The following LRRIQ1 variants were observed in gnomAD, a reference collection of about 807,000 sequenced individuals.
The protein encoded by LRRIQ1 is leucine-rich repeat- and IQ domain-containing protein 1.
A neutral mutation model predicts 211.9 loss-of-function variants in LRRIQ1; 210 were observed. The observed-to-expected ratio is 0.99, with a 90% CI of 0.89 to 1.11. The LOEUF is 1.11. Ranked by LOEUF, LRRIQ1 falls within the 50% of genes most tolerant of loss-of-function variation. The probability of loss-of-function intolerance (pLI) is 0.00; values close to 1 mark genes in which losing one functional copy is unlikely to be tolerated. For missense variants in LRRIQ1, 2,136 were observed against 1,939.5 expected (o/e 1.10, Z -1.90); for synonymous variants, 699 against 650.1 (o/e 1.08, Z -1.14).
chr12:85,106,522 A>C lies in LRRIQ1; in HGVS notation c.3284A>C (p.Asp1095Ala), dbSNP rs765374338. The C allele has an allele frequency of 6.3e-6, 10 of 1,594,530 alleles. No individual in the cohort carries two copies. The South Asian group carries it at 1.0e-4, about 16-fold the overall frequency. ...KLDVSHNCLS[D>A]LKSAIKWFDA... ...TTCAAAATGATTTTATTTTCTGTAG[A>C]TCTTAAAAGTGCCATAAAATGGTTT... Residue 1095 changes from aspartate to alanine, a missense_variant and splice_region_variant, in exon 15 of 27, where the codon GAT (aspartate) becomes GCT (alanine). Asp to Ala is a moderately radical substitution (Grantham distance 126). Coordinates refer to ENST00000393217, the MANE Select transcript of LRRIQ1 (RefSeq NM_001079910.2).
chr12:85,043,131 G>A (rs1976270), intron 3 of LRRIQ1, among the ~76,000 whole-genome samples: 33,285 of 151,972 alleles, frequency 0.22, 4,313 homozygotes, highest in Admixed American at 0.3. Flanking sequence ...ATTTTTATAA[G>A]GAGAGATGTT....
intron 15 of LRRIQ1, among the ~76,000 whole-genome samples, chr12:85,111,593 A>G (rs1291993168): frequency 3.9e-5 from 6 of 152,142 alleles, no homozygotes; most frequent in African/African-American, 1.4e-4. Flanking sequence ...CACCTGCCAC[A>G]CTAAGAAAAT....
intron 1 of LRRIQ1, among the ~76,000 whole-genome samples, chr12:85,251,679 T>A (rs1895947111): frequency 6.6e-6 from 1 of 151,600 alleles, no homozygotes; most frequent in African/African-American, 2.4e-5. Flanking sequence ...TTTGTAAACT[T>A]GAATAGGATA....
chr12:85,219,994 CTTTA>C (rs1894323138), intron 24 of LRRIQ1, among the ~76,000 whole-genome samples: 1 of 152,060 alleles, frequency 6.6e-6, no homozygotes, highest in African/African-American at 2.4e-5. Flanking sequence ...TTTAGTTGTG[CTTTA>C]TTTGTGAGGT....
intron 24 of LRRIQ1, among the ~76,000 whole-genome samples, chr12:85,161,354 A>C (rs1393043447): frequency 6.6e-6 from 1 of 152,124 alleles, no homozygotes; most frequent in Non-Finnish European, 1.5e-5. Flanking sequence ...CTTTCCTTTT[A>C]ATATTAATGT....
chr12:85,182,059 CTT>C (rs1404201350), intron 24 of LRRIQ1, among the ~76,000 whole-genome samples: 1 of 151,862 alleles, frequency 6.6e-6, no homozygotes, highest in Non-Finnish European at 1.5e-5. Context: ...AATATTTAAA[CTT>C]AACTCAAATG....
intron 24 of LRRIQ1, among the ~76,000 whole-genome samples, chr12:85,188,258 A>G (rs1892326357): frequency 6.6e-6 from 1 of 152,098 alleles, no homozygotes; most frequent in Non-Finnish European, 1.5e-5. Context: ...ATGACCCAAG[A>G]TTGACTGGTA....
chr12:85,110,744 G>A (rs1442390273), intron 15 of LRRIQ1, among the ~76,000 whole-genome samples: 1 of 152,050 alleles, frequency 6.6e-6, no homozygotes, highest in Admixed American at 6.6e-5. Context: ...AAGCAATTCT[G>A]GGGGAGGAAT....
In LRRIQ1 at chr12:85,229,657, C is replaced by A. The variant is rs751813075; in HGVS notation, c.4955+8C>A. 6 of 1,605,134 alleles carry A rather than the reference C, an allele frequency of 3.7e-6. No homozygotes were observed. In the African/African-American group the frequency reaches 8.1e-5, roughly 22 times the overall value. On this transcript the variant is annotated splice_region_variant and intron_variant, in intron 25 of 26. Transcript: ENST00000393217. The stretch of plus-strand genomic sequence containing the variant: ...TTCCAGAAATATGAAATGGTGAGGT[C>A]ATTTCCTCTAAATTAGATTTTTGTA...
At chr12:85,176,703 T>C (rs1431598836) in intron 24 of LRRIQ1, among the ~76,000 whole-genome samples, 2 of 151,062 alleles carry the variant, frequency 1.3e-5, no homozygotes, top group African/African-American at 4.9e-5. Context: ...GTAACTAACC[T>C]GCACAATGTG....
chr12:85,066,415 A>G (rs1057384406), intron 9 of LRRIQ1, among the ~76,000 whole-genome samples: 1 of 151,904 alleles, frequency 6.6e-6, no homozygotes, highest in African/African-American at 2.4e-5. Flanking sequence ...GGGCCTGATT[A>G]ACAACAATAG....
chr12:85,184,513 T>C, intron 24 of LRRIQ1, among the ~76,000 whole-genome samples: 1 of 152,176 alleles, frequency 6.6e-6, no homozygotes, highest in Middle Eastern at 3.4e-3. Context: ...TTAATATTTA[T>C]AACTACATAA....
At chr12:85,101,234 C>T (rs185760231) in intron 13 of LRRIQ1, among the ~76,000 whole-genome samples, 1 of 151,546 alleles carries the variant, frequency 6.6e-6, no homozygotes, top group Non-Finnish European at 1.5e-5. Flanking sequence ...TGCTTTTTTT[C>T]CCAACAAATG....
At chr12:85,253,075 G>A (rs753129784) in intron 1 of LRRIQ1, among the ~76,000 whole-genome samples, 28 of 152,018 alleles carry the variant, frequency 1.8e-4, no homozygotes, top group Non-Finnish European at 3.5e-4. Context: ...ACGTGAAATA[G>A]GCTTTTTTTC....
At chr12:85,063,345 C>G (rs1882070504) in intron 8 of LRRIQ1, among the ~76,000 whole-genome samples, 1 of 151,358 alleles carries the variant, frequency 6.6e-6, no homozygotes, top group Admixed American at 6.6e-5. Context: ...AATAGAAGAC[C>G]TCAAACTATG....
At position 85,151,439 on chromosome 12, in the gene LRRIQ1, A is replaced by G. The variant is rs1423582236; in HGVS notation, c.4330-841A>G. The stretch of plus-strand genomic sequence containing the variant: ...AAATTATTCTAGTTTTAAATCATAA[A>G]ATGTTTGATTATTTTACAACCTTTT... On this transcript the variant is annotated intron_variant, in intron 19 of 26. Transcript: ENST00000393217. Among the ~76,000 whole-genome samples, 4 of 151,624 alleles carry G rather than the reference A, an allele frequency of 2.6e-5. No homozygotes were observed. The Admixed American group carries it at 2.6e-4, about 10-fold the overall frequency.
intron 24 of LRRIQ1, among the ~76,000 whole-genome samples, chr12:85,192,961 A>C (rs1366555196): frequency 5.5e-5 from 5 of 91,078 alleles, no homozygotes; most frequent in East Asian, 2.9e-4. Context: ...TAATTATATA[A>C]TATAATTATA....
chr12:85,182,773 G>A (rs1314347750), intron 24 of LRRIQ1, among the ~76,000 whole-genome samples: 2 of 152,026 alleles, frequency 1.3e-5, no homozygotes, highest in Non-Finnish European at 2.9e-5. Context: ...AAACATAAGG[G>A]GTTGGATATC....
At chr12:85,121,653 C>A in intron 15 of LRRIQ1, 44 bp from the exon 16 acceptor site, 1 of 1,430,120 alleles carries the variant, frequency 7.0e-7, no homozygotes, top group Non-Finnish European at 9.4e-7. Context: ...ACATACTCTC[C>A]TTATCAAGAT....
Sources: allele counts gnomAD v4.1 joint callset (sites outside exome capture counted in the v4.1 genomes callset), GRCh38; gene constraint gnomAD v4.1.1; transcripts MANE v1.5; gene names NCBI Gene and HGNC (gene_info 2026-07-23, HGNC 2026-07-21).